Variants in DCC observed in about 807,000 individuals in gnomAD.
The protein encoded by DCC is DCC netrin 1 receptor, also known as netrin receptor DCC.
In DCC, 58 loss-of-function variants were observed where a neutral mutation model predicts 172.5. The observed-to-expected ratio is 0.34, with a 90% CI of 0.27 to 0.42. The LOEUF (loss-of-function observed/expected upper bound fraction) is 0.42, where lower values mean the gene tolerates loss of function less well. DCC is among the 10% of genes least tolerant of loss of function. The pLI, the probability that DCC is intolerant of heterozygous loss-of-function variation, is 1.00. For missense variants in DCC, 1,740 were observed against 1,791.0 expected, an observed-to-expected ratio of 0.97 and a Z score of 0.51; for synonymous variants, 709 against 644.5, an observed-to-expected ratio of 1.10 and a Z score of -1.52.
intron 23 of DCC, among the ~76,000 whole-genome samples, chr18:53,453,466 TTA>T (rs147578567): frequency 0.042 from 6,338 of 152,246 alleles, 432 homozygotes; most frequent in African/African-American, 0.14. Context: ...AAATTTTTCT[TTA>T]TGTTTTTTTT....
At chr18:53,136,353 A>T (rs1383614603) in intron 7 of DCC, among the ~76,000 whole-genome samples, 3 of 152,070 alleles carry the variant, frequency 2.0e-5, no homozygotes, top group Non-Finnish European at 4.4e-5. Context: ...TGAACAGAGA[A>T]AGAACAGCAC....
intron 7 of DCC, among the ~76,000 whole-genome samples, chr18:53,138,510 C>T (rs1035135861): frequency 6.6e-6 from 1 of 152,166 alleles, no homozygotes; most frequent in African/African-American, 2.4e-5. Context: ...ATGAATTTCT[C>T]TAGAATGATT....
intron 5 of DCC, among the ~76,000 whole-genome samples, chr18:52,972,853 C>T (rs1396742773): frequency 6.6e-6 from 1 of 152,106 alleles, no homozygotes; most frequent in Non-Finnish European, 1.5e-5. Context: ...TTTACATTAC[C>T]CTCAGAGACA....
At chr18:52,687,773 A>T (rs2035866107) in intron 1 of DCC, among the ~76,000 whole-genome samples, 1 of 152,134 alleles carries the variant, frequency 6.6e-6, no homozygotes, top group Non-Finnish European at 1.5e-5. Context: ...TAGAGTTTTA[A>T]TGCCTTTACA....
At chr18:52,736,349 T>C (rs2036729538) in intron 1 of DCC, among the ~76,000 whole-genome samples, 1 of 152,044 alleles carries the variant, frequency 6.6e-6, no homozygotes, top group South Asian at 2.1e-4. Context: ...AGCAAATCTT[T>C]GGGTAACCCT....
chr18:52,815,892 G>A (rs1330024390), intron 2 of DCC, among the ~76,000 whole-genome samples: 1 of 152,150 alleles, frequency 6.6e-6, no homozygotes, highest in Non-Finnish European at 1.5e-5. Flanking sequence ...ATGACAGAAT[G>A]TGTCCAAAGG....
chr18:53,395,240 T>C (rs1455466895), intron 17 of DCC, among the ~76,000 whole-genome samples: 3 of 152,128 alleles, frequency 2.0e-5, no homozygotes, highest in Non-Finnish European at 2.9e-5. Context: ...TCCAAAGTAT[T>C]TCTAGGCTTT....
At position 53,095,779 on chromosome 18, in the gene DCC, G is replaced by A. The variant is rs537750890; in HGVS notation, c.1261+29613G>A. Among the ~76,000 whole-genome samples, 6 of 145,470 alleles carry A rather than the reference G, an allele frequency of 4.1e-5. No individual in the cohort carries two copies. In the East Asian group the frequency reaches 8.4e-4, roughly 20 times the overall value. On this transcript the variant is annotated intron_variant, in intron 7 of 28. Transcript: ENST00000442544. The stretch of plus-strand genomic sequence containing the variant: ...TGTAAATTAACAATTTCTAGGGATT[G>A]GGATATGGATATCTTTTTTTTTTTT...
intron 13 of DCC, among the ~76,000 whole-genome samples, chr18:53,312,840 A>G (rs2057291717): frequency 6.9e-6 from 1 of 144,080 alleles, no homozygotes; most frequent in Non-Finnish European, 1.5e-5. Context: ...TTAATTACAG[A>G]CTGCCTTCTC....
At chr18:53,448,705 A>G (rs558545877) in intron 22 of DCC, among the ~76,000 whole-genome samples, 74 of 152,288 alleles carry the variant, frequency 4.9e-4, no homozygotes, top group Non-Finnish European at 9.1e-4. Flanking sequence ...TAAAAATACA[A>G]AAATTAGTGT....
intron 5 of DCC, among the ~76,000 whole-genome samples, chr18:53,022,643 G>A (rs2041897918): frequency 6.6e-6 from 1 of 151,658 alleles, no homozygotes; most frequent in Admixed American, 6.6e-5. Context: ...ATTGAAATGG[G>A]TGAAGAGATC....
intron 5 of DCC, among the ~76,000 whole-genome samples, chr18:52,969,019 A>AC (rs376939468): frequency 1.3e-5 from 2 of 151,832 alleles, no homozygotes; most frequent in African/African-American, 4.8e-5. Flanking sequence ...AACAACAACA[A>AC]AAAAAAACGG....
At chr18:52,571,026 TCTTTC>T (rs1163557520) in intron 1 of DCC, among the ~76,000 whole-genome samples, 1 of 152,194 alleles carries the variant, frequency 6.6e-6, no homozygotes, top group Admixed American at 6.5e-5. Flanking sequence ...AAATGCACAT[TCTTTC>T]CTTCTTTTAT....
chr18:52,789,986 A>G (rs1320530759), intron 2 of DCC, among the ~76,000 whole-genome samples: 2 of 152,176 alleles, frequency 1.3e-5, no homozygotes, highest in Non-Finnish European at 1.5e-5. Context: ...ACTGCTCTCA[A>G]GATCAGAGCT....
chr18:53,206,482 ATATAATG>A (rs200080238), intron 10 of DCC, among the ~76,000 whole-genome samples: 2,149 of 137,366 alleles, frequency 0.016, 43 homozygotes, highest in East Asian at 0.1. Flanking sequence ...TATATATAAT[ATATAATG>A]TATATGTATT....
In DCC at chr18:53,300,958, A is replaced by ATTCTTTCTTTCTTTCTTTCT. The variant is rs1436953257; in HGVS notation, c.1912-4617_1912-4616insTTTCTTTCTTTCTTTCTTTC. Among the ~76,000 whole-genome samples the ATTCTTTCTTTCTTTCTTTCT allele has an allele frequency of 7.3e-3, 595 of 81,712 alleles. 58 individuals are homozygous for ATTCTTTCTTTCTTTCTTTCT. The highest frequency in any genetic ancestry group is 0.041 in the Admixed American group (371 of 9,114). The allele number at this position is 81,712 out of a possible 152,430, so 53.6% of individuals were successfully genotyped here. On this transcript the variant is annotated intron_variant, in intron 12 of 28. Coordinates refer to ENST00000442544, the MANE Select transcript of DCC (RefSeq NM_005215.4). ...ATCCATTATTTGACGTTGGTTCTGG[A>ATTCTTTCTTTCTTTCTTTCT]TTCATTCTTTCTTTCTTTCTTTCTT... is the stretch of plus-strand genomic sequence containing the variant.
intron 1 of DCC, among the ~76,000 whole-genome samples, chr18:52,618,150 A>G (rs1284917509): frequency 6.6e-6 from 1 of 152,182 alleles, no homozygotes; most frequent in Non-Finnish European, 1.5e-5. Flanking sequence ...ATATCATCAC[A>G]GACCTGACTC....
chr18:52,827,639 T>C (rs1275147466), intron 2 of DCC, among the ~76,000 whole-genome samples: 1 of 152,246 alleles, frequency 6.6e-6, no homozygotes, highest in Non-Finnish European at 1.5e-5. Context: ...TTGGGGGCCA[T>C]AGAAAATCTA....
At chr18:52,539,339 A>G (rs1167231999) in intron 1 of DCC, among the ~76,000 whole-genome samples, 1 of 152,164 alleles carries the variant, frequency 6.6e-6, no homozygotes, top group African/African-American at 2.4e-5. Context: ...TTCAAGATTT[A>G]CAGGAGATCT....
Sources: gnomAD v4.1 joint callset for allele counts (sites outside exome capture counted in the v4.1 genomes callset) on GRCh38, gnomAD v4.1.1 for gene constraint, MANE v1.5 for transcripts, NCBI Gene and HGNC (gene_info 2026-07-23, HGNC 2026-07-21) for gene names.